The following ARHGAP42 variants were observed in gnomAD, a reference collection of about 807,000 sequenced individuals.
ARHGAP42 encodes the protein Rho GTPase activating protein 42.
In ARHGAP42, 63 loss-of-function variants were observed where a neutral mutation model predicts 125.0. The observed-to-expected ratio is 0.50, with a 90% CI of 0.41 to 0.62. ARHGAP42 has a LOEUF of 0.62. Among genes scored for constraint, ARHGAP42 ranks in the 20% least tolerant of loss-of-function variants. ARHGAP42 has a pLI of 0.00. For missense variants in ARHGAP42, 766 were observed against 1,024.2 expected (o/e 0.75, Z 3.44); for synonymous variants, 339 against 351.0 (o/e 0.97, Z 0.38).
intron 22 of ARHGAP42, among the ~76,000 whole-genome samples, chr11:100,985,404 T>C (rs1462535397): frequency 6.6e-6 from 1 of 152,120 alleles, no homozygotes; most frequent in African/African-American, 2.4e-5. Flanking sequence ...TCTGAAGTCC[T>C]CAGTAATATC....
chr11:100,901,749 T>TTTCCCAA (rs1866557270), intron 4 of ARHGAP42, among the ~76,000 whole-genome samples: 1 of 152,228 alleles, frequency 6.6e-6, no homozygotes. Context: ...CCTTGTCTGC[T>TTTCCCAA]GGTTGCTAAG....
At chr11:100,811,863 C>T (rs753777204) in intron 3 of ARHGAP42, among the ~76,000 whole-genome samples, 5 of 152,114 alleles carry the variant, frequency 3.3e-5, no homozygotes, top group East Asian at 1.9e-4. Context: ...CAATGATTAG[C>T]CCTGAGTTCA....
chr11:100,981,056 C>G (rs775077840), intron 22 of ARHGAP42, among the ~76,000 whole-genome samples: 6 of 152,246 alleles, frequency 3.9e-5, no homozygotes, highest in Non-Finnish European at 8.8e-5. Context: ...AACTTTAGGT[C>G]AGACAGACCC....
At position 100,976,807 on chromosome 11, in the gene ARHGAP42, C is replaced by G; in HGVS notation, c.2237-8C>G. The G allele has an allele frequency of 1.3e-6, 2 of 1,549,360 alleles. No homozygotes were observed. Among genetic ancestry groups the G allele is most frequent in the Non-Finnish European group, 1.7e-6 (2 of 1,146,436 alleles). On this transcript the variant is annotated splice_polypyrimidine_tract_variant and splice_region_variant and intron_variant, in intron 20 of 23. Transcript: ENST00000298815. ...CACCTTGCCTATTTTCTTGGGCTTTCTTTTTAGGAAACAAGAGCTACAGTG... is the reference window on the plus strand; with the variant it reads ...CACCTTGCCTATTTTCTTGGGCTTTGTTTTTAGGAAACAAGAGCTACAGTG...
At chr11:100,803,250 G>C (rs1377734981) in intron 3 of ARHGAP42, among the ~76,000 whole-genome samples, 1 of 151,910 alleles carries the variant, frequency 6.6e-6, no homozygotes, top group African/African-American at 2.4e-5. Context: ...GATGCGTACT[G>C]TATATCTAAG....
chr11:100,765,955 A>G (rs1332359311), intron 1 of ARHGAP42, among the ~76,000 whole-genome samples: 1 of 152,218 alleles, frequency 6.6e-6, no homozygotes, highest in Non-Finnish European at 1.5e-5. Flanking sequence ...CCAAAATAAA[A>G]GGGAGACCTC....
chr11:100,931,172 G>A (rs1454568265), intron 6 of ARHGAP42, among the ~76,000 whole-genome samples: 1 of 152,078 alleles, frequency 6.6e-6, no homozygotes, highest in African/African-American at 2.4e-5. Context: ...ATCAGGTGCG[G>A]AATTTTTTCA....
At chr11:100,711,303 A>T (rs1020367096) in intron 1 of ARHGAP42, among the ~76,000 whole-genome samples, 2 of 152,066 alleles carry the variant, frequency 1.3e-5, no homozygotes. Context: ...TTAGTCTCTT[A>T]TAGGTCCTTT....
intron 6 of ARHGAP42, among the ~76,000 whole-genome samples, chr11:100,930,239 A>G (rs1867538326): frequency 6.6e-6 from 1 of 152,218 alleles, no homozygotes; most frequent in Non-Finnish European, 1.5e-5. Flanking sequence ...AGAAAATGAT[A>G]TGTGGGAAGT....
intron 3 of ARHGAP42, among the ~76,000 whole-genome samples, chr11:100,818,756 TTTTGTTTGTTTGTTTG>T (rs199984732): frequency 6.6e-6 from 1 of 152,070 alleles, no homozygotes; most frequent in Non-Finnish European, 1.5e-5. Flanking sequence ...TTTTCTCTGT[TTTTGTTTGTTTGTTTG>T]TTTGTTTGTT....
chr11:100,971,988 T>A (rs1039180793), intron 17 of ARHGAP42, among the ~76,000 whole-genome samples: 2 of 152,316 alleles, frequency 1.3e-5, no homozygotes, highest in South Asian at 2.1e-4. Flanking sequence ...AATTAATATA[T>A]AGTATTTGAT....
chr11:100,903,153 A>ACACACACACACACC (rs1200735885), intron 4 of ARHGAP42, among the ~76,000 whole-genome samples: 1 of 151,716 alleles, frequency 6.6e-6, no homozygotes, highest in Non-Finnish European at 1.5e-5. Flanking sequence ...ACACACACAC[A>ACACACACACACACC]CACCAAGCTT....
chr11:100,992,982 T>A lies in ARHGAP42; in HGVS notation c.*4181T>A, dbSNP rs1156587054. ...CTATGGAGAAATGGAGTCTGTGTGCTTACTGAAGAGTCCCAAAAACCAGAG... is the reference window on the plus strand; with the variant it reads ...CTATGGAGAAATGGAGTCTGTGTGCATACTGAAGAGTCCCAAAAACCAGAG... On this transcript the variant is annotated 3_prime_UTR_variant, in exon 24 of 24. Transcript: ENST00000298815. 3.2e-5 allele frequency: 11 copies of A among 340,656 alleles called. No homozygotes were observed. The highest frequency in any genetic ancestry group is 6.1e-5 in the Non-Finnish European group (11 of 179,300). The allele number at this position is 340,656 out of a possible 1,614,324, so 21.1% of individuals were successfully genotyped here.
chr11:100,946,346 G>T (rs1486222975), intron 10 of ARHGAP42, among the ~76,000 whole-genome samples: 1 of 152,074 alleles, frequency 6.6e-6, no homozygotes, highest in African/African-American at 2.4e-5. Context: ...GTATTCACTG[G>T]AGTGGCACTT....
chr11:100,858,252 C>T (rs1865370628), intron 3 of ARHGAP42, among the ~76,000 whole-genome samples: 1 of 152,100 alleles, frequency 6.6e-6, no homozygotes, highest in Non-Finnish European at 1.5e-5. Context: ...GGAGGTATGT[C>T]TGTCTGAGCT....
chr11:100,956,465 A>G (rs913569351), intron 12 of ARHGAP42, among the ~76,000 whole-genome samples: 4 of 152,160 alleles, frequency 2.6e-5, no homozygotes, highest in African/African-American at 9.6e-5. Flanking sequence ...ATCCTGTGAC[A>G]AAGGAAAAAG....
At position 100,950,386 on chromosome 11, in the gene ARHGAP42, A is replaced by G. The variant is rs571124166; in HGVS notation, c.1162+430A>G. ...TATTTATCTATATCAATATAAATATATAACACAGTGGAGAGCTTCTTTGTC... is the reference window on the plus strand; with the variant it reads ...TATTTATCTATATCAATATAAATATGTAACACAGTGGAGAGCTTCTTTGTC... On this transcript the variant is annotated intron_variant, in intron 12 of 23. Coordinates refer to ENST00000298815, the MANE Select transcript of ARHGAP42 (RefSeq NM_152432.4). 1.5e-4 allele frequency among the ~76,000 whole-genome samples: 22 copies of G among 150,074 alleles called. No homozygotes were observed. The South Asian group carries it at 2.3e-3, about 16-fold the overall frequency.
At chr11:100,892,282 G>A (rs1385373771) in intron 4 of ARHGAP42, among the ~76,000 whole-genome samples, 1 of 152,206 alleles carries the variant, frequency 6.6e-6, no homozygotes, top group African/African-American at 2.4e-5. Flanking sequence ...AATTAAAATA[G>A]TTTAGCTATT....
At position 100,991,581 on chromosome 11, in the gene ARHGAP42, T is replaced by C. The variant is rs1348794560; in HGVS notation, c.*2780T>C. On this transcript the variant is annotated 3_prime_UTR_variant, in exon 24 of 24. Coordinates refer to ENST00000298815, the MANE Select transcript of ARHGAP42 (RefSeq NM_152432.4). ...AAAATATCCCTCAGTACAAAACATT[T>C]GTGTGTTTCACAGATGACTCTCTTG... The C allele has an allele frequency of 6.6e-6, 1 of 152,164 alleles. No homozygotes were observed. Among genetic ancestry groups the C allele is most frequent in the Non-Finnish European group, 1.5e-5 (1 of 68,016 alleles). The allele number at this position is 152,164 out of a possible 1,614,324, so 9.4% of individuals were successfully genotyped here. A position where few individuals can be genotyped will look rare whatever the true frequency, so the allele number is the denominator to read the frequency against.
Sources: gnomAD v4.1 joint callset for allele counts (sites outside exome capture counted in the v4.1 genomes callset) on GRCh38, gnomAD v4.1.1 for gene constraint, MANE v1.5 for transcripts, NCBI Gene and HGNC (gene_info 2026-07-23, HGNC 2026-07-21) for gene names.